ZSCAN2: variants seen among roughly 807,000 people sequenced by gnomAD.
The protein encoded by ZSCAN2 is zinc finger and SCAN domain-containing protein 2.
In ZSCAN2, 26 loss-of-function variants were observed where a neutral mutation model predicts 47.8. The ratio of observed to expected loss-of-function variants is 0.54; its 90% CI spans 0.40 to 0.75. The LOEUF (loss-of-function observed/expected upper bound fraction) is 0.75. Ranked by LOEUF, ZSCAN2 falls within the 30% of genes least tolerant of loss-of-function variation. The pLI is 0.00. For synonymous variants in ZSCAN2, 305 were observed against 288.7 expected, an observed-to-expected ratio of 1.06 and a Z score of -0.57; for missense variants, 732 against 785.4, an observed-to-expected ratio of 0.93 and a Z score of 0.81.
intron 2 of ZSCAN2, among the ~76,000 whole-genome samples, chr15:84,617,442 G>C (rs1352311298): frequency 6.6e-6 from 1 of 151,784 alleles, no homozygotes; most frequent in African/African-American, 2.4e-5. Context: ...AAAAAAAAAA[G>C]ACTGTCTTGC....
intron 2 of ZSCAN2, among the ~76,000 whole-genome samples, chr15:84,607,151 G>C (rs1432130149): frequency 1.3e-5 from 2 of 152,116 alleles, no homozygotes; most frequent in Non-Finnish European, 2.9e-5. Context: ...ATGTCTCTCT[G>C]TGACTGTTTC....
At position 84,614,188 on chromosome 15, in the gene ZSCAN2, G is replaced by A. The variant is rs181885704; in HGVS notation, c.407-6414G>A. Among the ~76,000 whole-genome samples the A allele has an allele frequency of 3.3e-3, 504 of 150,786 alleles. 1 individual carries two copies. The highest frequency in any genetic ancestry group is 5.1e-3 in the Non-Finnish European group (346 of 67,678). On this transcript the variant is annotated intron_variant, in intron 2 of 2. Coordinates refer to ENST00000546148, the MANE Select transcript of ZSCAN2 (RefSeq NM_181877.4). ...TTTTTTTTTGTAGAGATGAGGTCTT[G>A]GCTGTGTTGCTCAGGCTGGTCTTGA... is the stretch of plus-strand genomic sequence containing the variant.
In ZSCAN2 at chr15:84,622,609, T is replaced by G; in HGVS notation, c.*569T>G. ...ATGGAGGGGCTTCTCCAGTTCTGAGTCACCCACGTGAAGGTAAAGACCCTT... is the reference window on the plus strand; with the variant it reads ...ATGGAGGGGCTTCTCCAGTTCTGAGGCACCCACGTGAAGGTAAAGACCCTT... On this transcript the variant is annotated 3_prime_UTR_variant, in exon 3 of 3. Transcript: ENST00000546148. The G allele has an allele frequency of 2.8e-6, 2 of 717,444 alleles. No individual in the cohort carries two copies. The highest frequency in any genetic ancestry group is 5.2e-6 in the Non-Finnish European group (2 of 385,076). The allele number at this position is 717,444 out of a possible 1,614,324, so 44.4% of individuals were successfully genotyped here.
intron 2 of ZSCAN2, among the ~76,000 whole-genome samples, chr15:84,619,761 G>A (rs1356870915): frequency 6.6e-6 from 1 of 152,026 alleles, no homozygotes; most frequent in East Asian, 1.9e-4. Flanking sequence ...TAATTGGGTA[G>A]GTACCCTGTT....
At chr15:84,618,489 A>AGAGG (rs1895745484) in intron 2 of ZSCAN2, among the ~76,000 whole-genome samples, 1 of 152,122 alleles carries the variant, frequency 6.6e-6, no homozygotes, top group South Asian at 2.1e-4. Context: ...AGGCTCATCA[A>AGAGG]GAGGACATTG....
Position 84,603,913 on chromosome 15 carries a change from G to T in ZSCAN2, c.-15G>T. The T allele has an allele frequency of 6.2e-7, 1 of 1,602,672 alleles. No homozygotes were observed. Among genetic ancestry groups the T allele is most frequent in the Non-Finnish European group, 8.5e-7 (1 of 1,172,328 alleles). On this transcript the variant is annotated 5_prime_UTR_variant, in exon 2 of 3. Coordinates refer to ENST00000546148, the MANE Select transcript of ZSCAN2 (RefSeq NM_181877.4). ...TCCAAGGCTTGAAGCCTAAGTGATTGCCCCAGGACTGTGGATGATGGCTGC... is the reference window on the plus strand; with the variant it reads ...TCCAAGGCTTGAAGCCTAAGTGATTTCCCCAGGACTGTGGATGATGGCTGC...
Position 84,622,397 on chromosome 15 carries a change from GTGGGCC to G in ZSCAN2, c.*358_*363del, listed in dbSNP as rs1895836616. The G allele has an allele frequency of 1.7e-6, 1 of 583,848 alleles. No homozygotes were observed. Among genetic ancestry groups the G allele is most frequent in the Admixed American group, 3.4e-5 (1 of 29,476 alleles). 36.2% of individuals were successfully genotyped at this position (583,848 alleles called of 1,614,324 possible). On this transcript the variant is annotated 3_prime_UTR_variant, in exon 3 of 3. Transcript: ENST00000546148. ...AATGGAAGACAGCATGGCCCACAAC[GTGGGCC>G]GAGTCCTCAGAGAAATACTGGAAAT... is the stretch of plus-strand genomic sequence containing the variant.
chr15:84,620,268 T>G (rs746664441), intron 2 of ZSCAN2, among the ~76,000 whole-genome samples: 6 of 152,226 alleles, frequency 3.9e-5, no homozygotes, highest in Non-Finnish European at 7.3e-5. Context: ...GCAAAAGATA[T>G]GATCTCATTC....
intron 2 of ZSCAN2, among the ~76,000 whole-genome samples, chr15:84,615,300 T>C (rs1013251888): frequency 9.9e-5 from 15 of 152,090 alleles, no homozygotes; most frequent in African/African-American, 3.4e-4. Flanking sequence ...ACTCCAGTTA[T>C]GTTTACTGAT....
In ZSCAN2 at chr15:84,609,682, G is replaced by A. The variant is rs115342631; in HGVS notation, c.406+5349G>A. ...GGAACAATGCTCCCAGTCCCACTGG[G>A]CTTGCCAGGGCAGCGCTCTAATGGG... On this transcript the variant is annotated intron_variant, in intron 2 of 2. Coordinates refer to ENST00000546148, the MANE Select transcript of ZSCAN2 (RefSeq NM_181877.4). Among the ~76,000 whole-genome samples, 1,422 of 152,276 alleles carry A rather than the reference G, an allele frequency of 9.3e-3. 30 individuals are homozygous for A. The highest frequency in any genetic ancestry group is 0.033 in the African/African-American group (1,378 of 41,554).
At chr15:84,608,501 C>T (rs1895448518) in intron 2 of ZSCAN2, among the ~76,000 whole-genome samples, 1 of 148,704 alleles carries the variant, frequency 6.7e-6, no homozygotes, top group Admixed American at 6.7e-5. Flanking sequence ...CCATTGCACT[C>T]CAGCCTGGGT....
intron 2 of ZSCAN2, among the ~76,000 whole-genome samples, chr15:84,604,641 CT>C (rs1895320705): frequency 6.6e-6 from 1 of 152,116 alleles, no homozygotes; most frequent in African/African-American, 2.4e-5. Flanking sequence ...ATGGAGACCC[CT>C]GGCACCTTCA....
intron 1 of ZSCAN2, among the ~76,000 whole-genome samples, chr15:84,601,608 AT>A (rs922105422): frequency 2.0e-5 from 3 of 150,140 alleles, no homozygotes; most frequent in Admixed American, 1.3e-4. Context: ...ACTAGCTTTT[AT>A]TTTTTGTCCT....
chr15:84,613,784 C>T (rs1434282940), intron 2 of ZSCAN2, among the ~76,000 whole-genome samples: 6 of 151,618 alleles, frequency 4.0e-5, no homozygotes, highest in South Asian at 2.1e-4. Flanking sequence ...AACGATTCAA[C>T]GATTCTCCTG....
Position 84,614,013 on chromosome 15 carries a change from CAG to C in ZSCAN2, c.407-6586_407-6585del, listed in dbSNP as rs1224620373. The stretch of plus-strand genomic sequence containing the variant: ...TTTTTTTTTTTTTTTTTTTCAGAGA[CAG>C]AGTCTCACTCTGTCACCCAGGCTGG... On this transcript the variant is annotated intron_variant, in intron 2 of 2. Transcript: ENST00000546148. Among the ~76,000 whole-genome samples, 15 of 82,808 alleles carry C rather than the reference CAG, an allele frequency of 1.8e-4. No homozygotes were observed. The East Asian group carries it at 6.2e-3, about 34-fold the overall frequency. 54.3% of individuals were successfully genotyped at this position (82,808 alleles called of 152,430 possible).
rs145583220 is a variant in ZSCAN2 at position 84,607,061 on chromosome 15, C to T, written c.406+2728C>T. Among the ~76,000 whole-genome samples, 613 of 152,268 alleles carry T rather than the reference C, an allele frequency of 4.0e-3. 5 individuals carry two copies. Among genetic ancestry groups the T allele is most frequent in the Admixed American group, 8.5e-3 (130 of 15,294 alleles). ...CGGTTTAATGTTTTTCTGACAGGAA[C>T]CTCTGGGCACTCAAAATTCAAGTAC... On this transcript the variant is annotated intron_variant, in intron 2 of 2. Transcript: ENST00000546148.
intron 2 of ZSCAN2, among the ~76,000 whole-genome samples, chr15:84,609,769 A>G (rs1895490648): frequency 6.6e-6 from 1 of 152,182 alleles, no homozygotes; most frequent in African/African-American, 2.4e-5. Context: ...TCTATTTTAG[A>G]CCAGTGGCTG....
intron 2 of ZSCAN2, chr15:84,614,790 A>G (rs1009590926): frequency 6.7e-5 from 10 of 150,336 alleles, no homozygotes; most frequent in African/African-American, 2.2e-4. Flanking sequence ...CAGCCTGAAT[A>G]TAGAGAAATC....
In ZSCAN2 at chr15:84,621,154, A is replaced by G. The variant is rs1486115476; in HGVS notation, c.959A>G (p.Asn320Ser). 1.9e-6 allele frequency: 3 copies of G among 1,613,808 alleles called. No individual in the cohort carries two copies. Among genetic ancestry groups the G allele is most frequent in the South Asian group, 2.2e-5 (2 of 91,066 alleles). ...ECGKSFSRSP[N>S]LIAHQRTHTG... ...GGCAAGAGCTTCAGCAGGAGTCCCA[A>G]CCTCATTGCACATCAGCGCACCCAC... Residue 320 changes from asparagine (N) to serine (S), a missense_variant, in exon 3 of 3, where the codon AAC becomes AGC. Physicochemically the swap from Asn to Ser is conservative, Grantham distance 46 (BLOSUM62 1). This residue lies in a region of ZSCAN2 where 412 missense variants were observed against 498.0 expected (regional missense o/e 0.83). Transcript: ENST00000546148. This position sits in a 1 kb window ranked among gnomAD's most constrained non-coding sequence, Gnocchi z 5.7.
Sources: gnomAD v4.1 joint callset for allele counts (sites outside exome capture counted in the v4.1 genomes callset) on GRCh38, gnomAD v4.1.1 for gene constraint, gnomAD v4.1.1 regional missense constraint, Gnocchi (gnomAD v3.1) non-coding constraint, MANE v1.5 for transcripts, NCBI Gene and HGNC (gene_info 2026-07-23, HGNC 2026-07-21) for gene names.